LASP1NB: variants seen among roughly 807,000 people sequenced by gnomAD.
LASP1NB encodes LASP1 neighbor, also known as LASP1 neighbor protein.
chr17:38,928,135 T>C, the LASP1NB span: 1 of 152,112 alleles, frequency 6.6e-6, no homozygotes, highest in South Asian at 2.1e-4. Context: ...TGACCTGACC[T>C]TTCATAAGTC....
the LASP1NB span, chr17:38,926,649 T>C: frequency 6.6e-6 from 1 of 152,230 alleles, no homozygotes; most frequent in African/African-American, 2.4e-5. Flanking sequence ...TGGAGACTTA[T>C]TAAAGTTACC....
the LASP1NB span, chr17:38,929,104 T>C: frequency 6.6e-6 from 1 of 152,248 alleles, no homozygotes; most frequent in Non-Finnish European, 1.5e-5. Context: ...TTCAGTTACT[T>C]GTAAAATATG....
At chr17:38,928,778 C>T in the LASP1NB span, 3 of 152,312 alleles carry the variant, frequency 2.0e-5, no homozygotes, top group Non-Finnish European at 2.9e-5. Context: ...TCTGGTATAT[C>T]TTAGTGTTTC....
At chr17:38,928,291 AAAAAT>A in the LASP1NB span, 1 of 152,124 alleles carries the variant, frequency 6.6e-6, no homozygotes. Flanking sequence ...CACAAAAATA[AAAAAT>A]AAAATAAAAA....
chr17:38,926,788 T>A, the LASP1NB span: 2 of 152,232 alleles, frequency 1.3e-5, no homozygotes, highest in African/African-American at 4.8e-5. Context: ...AGGACTCCCT[T>A]GTGAAACTCA....
the LASP1NB span, chr17:38,928,884 G>C: frequency 6.6e-6 from 1 of 152,186 alleles, no homozygotes; most frequent in Non-Finnish European, 1.5e-5. Flanking sequence ...GTCCAAATTA[G>C]AGTTAGTTAT....
the LASP1NB span, chr17:38,929,272 CATAAT>C: frequency 6.6e-6 from 1 of 151,764 alleles, no homozygotes; most frequent in African/African-American, 2.4e-5. Flanking sequence ...CATCCCAAAA[CATAAT>C]AAAACACTGC....
the LASP1NB span, chr17:38,926,994 G>C: frequency 6.6e-6 from 1 of 152,098 alleles, no homozygotes; most frequent in Non-Finnish European, 1.5e-5. Flanking sequence ...CATTTAAAGG[G>C]AGAAATGGTT....
the LASP1NB span, chr17:38,928,751 T>C: frequency 6.6e-6 from 1 of 152,228 alleles, no homozygotes; most frequent in Admixed American, 6.5e-5. Flanking sequence ...CATTTTCCAC[T>C]AAAACATTCT....
the LASP1NB span, chr17:38,927,271 G>A: frequency 2.0e-5 from 3 of 152,100 alleles, no homozygotes; most frequent in Non-Finnish European, 4.4e-5. Flanking sequence ...CCTTTTACAA[G>A]TCTATCATAA....
the LASP1NB span, chr17:38,927,856 A>C: frequency 6.6e-6 from 1 of 152,250 alleles, no homozygotes; most frequent in South Asian, 2.1e-4. Flanking sequence ...CAGTCTGACC[A>C]ACGTGGTGAA....
At chr17:38,928,657 T>C in the LASP1NB span, 1 of 152,190 alleles carries the variant, frequency 6.6e-6, no homozygotes, top group Non-Finnish European at 1.5e-5. Flanking sequence ...AAAAGATAGG[T>C]AATCTGACAT....
the LASP1NB span, chr17:38,928,419 G>A: frequency 5.9e-5 from 9 of 152,116 alleles, no homozygotes; most frequent in Non-Finnish European, 1.2e-4. Context: ...CCCATGGAAC[G>A]AACTCTTAAT....
At chr17:38,925,979 A>C in the LASP1NB span, 7 of 376,008 alleles carry the variant, frequency 1.9e-5, no homozygotes, top group Admixed American at 2.7e-4. Flanking sequence ...AAGAATAAGA[A>C]ATGCCAGCTT....
At chr17:38,925,844 C>T in the LASP1NB span, 4 of 398,032 alleles carry the variant, frequency 1.0e-5, no homozygotes, top group African/African-American at 6.2e-5. Flanking sequence ...GGCCGAGTGC[C>T]CTGCTTGCTG....
chr17:38,928,619 G>C, the LASP1NB span: 2 of 152,126 alleles, frequency 1.3e-5, no homozygotes, highest in African/African-American at 4.8e-5. Flanking sequence ...ATATTAACAA[G>C]TATGATACTG....
At chr17:38,925,616 C>T in the LASP1NB span, 3 of 397,902 alleles carry the variant, frequency 7.5e-6, no homozygotes, top group Non-Finnish European at 8.9e-6. Context: ...AGCCATTTCT[C>T]TCCACCGACT....
the LASP1NB span, chr17:38,928,825 T>C: frequency 6.6e-6 from 1 of 152,252 alleles, no homozygotes; most frequent in Non-Finnish European, 1.5e-5. Context: ...AGACAGCAGC[T>C]CTACATCCTT....
chr17:38,927,290 C>T, the LASP1NB span: 1 of 152,180 alleles, frequency 6.6e-6, no homozygotes, highest in Admixed American at 6.5e-5. Flanking sequence ...AATTGTTCTA[C>T]ATTTAATTTT....
Sources: allele counts gnomAD v4.1 joint callset, GRCh38; gene constraint gnomAD v4.1.1; transcripts MANE v1.5; gene names NCBI Gene and HGNC (gene_info 2026-07-23, HGNC 2026-07-21).